The following NGLY1 variants were observed in gnomAD, a reference collection of about 807,000 sequenced individuals.
The protein encoded by NGLY1 is N-glycanase 1.
A neutral mutation model predicts 84.6 loss-of-function variants in NGLY1; 68 were observed. That is an observed-to-expected ratio of 0.80 (90% confidence interval 0.66 to 0.98). The LOEUF (loss-of-function observed/expected upper bound fraction) is 0.98, where lower values mean the gene tolerates loss of function less well. Ranked by LOEUF, NGLY1 falls within the 50% of genes least tolerant of loss-of-function variation. The probability of loss-of-function intolerance (pLI) is 0.00; values close to 1 mark genes in which losing one functional copy is unlikely to be tolerated. For missense variants in NGLY1, 779 were observed against 770.2 expected (o/e 1.01, Z -0.14); for synonymous variants, 280 against 275.2 (o/e 1.02, Z -0.17).
intron 9 of NGLY1, 36 bp from the exon 10 acceptor site, chr3:25,729,354 T>G (rs778120368): frequency 1.6e-6 from 2 of 1,249,530 alleles, no homozygotes; most frequent in East Asian, 5.7e-5. Context: ...TTCAACATTA[T>G]GAAAGATGTA....
rs746095871 is a variant in NGLY1 at position 25,764,145 on chromosome 3, G to C, written c.413C>G (p.Pro138Arg). 2.2e-5 allele frequency: 35 copies of C among 1,614,046 alleles called. No individual in the cohort carries two copies. Among genetic ancestry groups the C allele is most frequent in the Admixed American group, 5.0e-5 (3 of 60,000 alleles). ...GTTTAACCCACTGGGATTTGAAGATGGTGTTGTAGGAAGCTGGGTACTGGC... is the reference window on the plus strand; with the variant it reads ...GTTTAACCCACTGGGATTTGAAGATCGTGTTGTAGGAAGCTGGGTACTGGC... ...PAASTQLPTT[P>R]SSNPSGLNQH... is the part of the protein sequence containing the mutation. Residue 138 changes from proline (P) to arginine (R), a missense_variant, in exon 3 of 12, where the codon CCA becomes CGA. Pro to Arg is a moderately radical substitution (Grantham distance 103, BLOSUM62 -2). Transcript: ENST00000280700.
rs188742895 is a variant in NGLY1 at position 25,756,282 on chromosome 3, C to T, written c.493-5019G>A. ...CTCCATTGTTCTTAAATGTAAAAGG[C>T]CATACCTGGAATTTAAAAAATATCA... On this transcript the variant is annotated intron_variant, in intron 3 of 11. Transcript: ENST00000280700. 2.8e-3 allele frequency among the ~76,000 whole-genome samples: 419 copies of T among 152,238 alleles called. 2 individuals are homozygous for T. Among genetic ancestry groups the T allele is most frequent in the Middle Eastern group, 6.8e-3 (2 of 294 alleles).
intron 4 of NGLY1, among the ~76,000 whole-genome samples, chr3:25,747,096 T>C (rs571606487): frequency 6.6e-6 from 1 of 152,322 alleles, no homozygotes; most frequent in African/African-American, 2.4e-5. Context: ...ACATTACATT[T>C]GTTGGACTCT....
intron 4 of NGLY1, among the ~76,000 whole-genome samples, chr3:25,745,315 C>T (rs1466543576): frequency 6.6e-6 from 1 of 152,222 alleles, no homozygotes; most frequent in Non-Finnish European, 1.5e-5. Flanking sequence ...TTTCTAGAAC[C>T]TCTGTAATCC....
intron 3 of NGLY1, among the ~76,000 whole-genome samples, chr3:25,754,476 C>T (rs529347075): frequency 3.8e-4 from 58 of 152,150 alleles, no homozygotes; most frequent in African/African-American, 1.3e-3. Flanking sequence ...TCTTTCTGGT[C>T]GCTTTTCATT....
At chr3:25,762,734 T>C (rs1167960441) in intron 3 of NGLY1, among the ~76,000 whole-genome samples, 1 of 152,118 alleles carries the variant, frequency 6.6e-6, no homozygotes, top group East Asian at 1.9e-4. Context: ...GGTGGATCAC[T>C]TGAGGTCAGG....
chr3:25,768,329 G>A (rs1707717127), intron 2 of NGLY1, among the ~76,000 whole-genome samples: 1 of 151,354 alleles, frequency 6.6e-6, no homozygotes, highest in African/African-American at 2.4e-5. Flanking sequence ...GGAAGACTGA[G>A]GCAGGAGAAT....
Position 25,737,424 on chromosome 3 carries a change from T to C in NGLY1, c.913A>G (p.Arg305Gly), listed in dbSNP as rs1705891253. The C allele has an allele frequency of 1.2e-6, 2 of 1,612,788 alleles. No homozygotes were observed. Among genetic ancestry groups the C allele is most frequent in the South Asian group, 1.1e-5 (1 of 90,760 alleles). Residue 305 changes from arginine to glycine, a missense_variant, in exon 6 of 12, where the codon AGA becomes GGA. By Grantham distance (125) the Arg-to-Gly change is moderately radical (BLOSUM62 -2). Coordinates refer to ENST00000280700, the MANE Select transcript of NGLY1 (RefSeq NM_018297.4). ...YNNPEKLLETRCGRCGEWANC... is the reference protein window; with the variant it reads ...YNNPEKLLETGCGRCGEWANC... ...GCCCACTCGCCACACCGTCCACATC[T>C]TGTTTCCAAAAGTTTCTCAGGGTTA...
intron 3 of NGLY1, among the ~76,000 whole-genome samples, chr3:25,759,639 C>T (rs1044182799): frequency 5.3e-5 from 8 of 152,128 alleles, no homozygotes; most frequent in Admixed American, 4.6e-4. Context: ...ATGGTGATTA[C>T]AGCAGCTGGG....
intron 2 of NGLY1, among the ~76,000 whole-genome samples, chr3:25,768,581 T>C (rs1252154493): frequency 2.7e-5 from 4 of 149,218 alleles, no homozygotes; most frequent in Non-Finnish European, 4.5e-5. Flanking sequence ...TTTTTTTTTT[T>C]TTAGCGGAGT....
chr3:25,761,471 A>C (rs17016988), intron 3 of NGLY1, among the ~76,000 whole-genome samples: 3,331 of 152,302 alleles, frequency 0.022, 137 homozygotes, highest in African/African-American at 0.076. Context: ...TTTGAAAATC[A>C]ATTAAGTCAT....
At chr3:25,773,096 A>G (rs963903076) in intron 2 of NGLY1, among the ~76,000 whole-genome samples, 3 of 152,144 alleles carry the variant, frequency 2.0e-5, no homozygotes, top group African/African-American at 7.2e-5. Flanking sequence ...TAACCTGAGG[A>G]CTATGTGCCT....
intron 1 of NGLY1, among the ~76,000 whole-genome samples, chr3:25,789,050 A>G (rs1708663111): frequency 6.6e-6 from 1 of 152,128 alleles, no homozygotes; most frequent in African/African-American, 2.4e-5. Context: ...ATGCTCAACC[A>G]TTTTTCTAAA....
chr3:25,776,149 T>C (rs1397652720), intron 2 of NGLY1, among the ~76,000 whole-genome samples: 2 of 152,196 alleles, frequency 1.3e-5, no homozygotes, highest in Non-Finnish European at 2.9e-5. Flanking sequence ...ATCAAATACT[T>C]CTGCAAGTCT....
intron 1 of NGLY1, among the ~76,000 whole-genome samples, chr3:25,779,265 T>C (rs1190148117): frequency 3.9e-5 from 6 of 152,160 alleles, no homozygotes; most frequent in Non-Finnish European, 7.4e-5. Flanking sequence ...ACAGACAGTA[T>C]GGCAATAAAA....
At position 25,783,126 on chromosome 3, in the gene NGLY1, A is replaced by T; in HGVS notation, c.131+134T>A. The T allele has an allele frequency of 1.2e-6, 1 of 803,174 alleles. No individual in the cohort carries two copies. The highest frequency in any genetic ancestry group is 1.9e-6 in the Non-Finnish European group (1 of 521,050). 49.8% of individuals were successfully genotyped at this position (803,174 alleles called of 1,614,324 possible). On this transcript the variant is annotated intron_variant, in intron 1 of 11. Transcript: ENST00000280700. This position sits in a 1 kb window ranked among gnomAD's most constrained non-coding sequence, Gnocchi z 4.5. ...GGCGGGCTCGGACGTTAGGAGCAGA[A>T]CCAGCTCCAGGTCCCGGTCTGTCCG...
At chr3:25,763,284 A>G (rs1374229725) in intron 3 of NGLY1, among the ~76,000 whole-genome samples, 1 of 152,230 alleles carries the variant, frequency 6.6e-6, no homozygotes, top group African/African-American at 2.4e-5. Context: ...TTGGTTAACT[A>G]TGTGCATTTT....
intron 4 of NGLY1, among the ~76,000 whole-genome samples, chr3:25,743,619 C>T (rs944561349): frequency 2.6e-5 from 4 of 151,970 alleles, no homozygotes; most frequent in Admixed American, 2.6e-4. Flanking sequence ...TAGTTTTGTT[C>T]ACTGCTATAT....
chr3:25,766,338 A>T lies in NGLY1; in HGVS notation c.247-2027T>A, dbSNP rs535650697. 5.9e-5 allele frequency among the ~76,000 whole-genome samples: 9 copies of T among 152,328 alleles called. No homozygotes were observed. In the South Asian group the frequency reaches 1.2e-3, roughly 21 times the overall value. On this transcript the variant is annotated intron_variant, in intron 2 of 11. Coordinates refer to ENST00000280700, the MANE Select transcript of NGLY1 (RefSeq NM_018297.4). ...CACCACAGCCTCCCAAAAAGCTGGGATTATAGGCGTGAGCCACCATTCCCG... is the reference window on the plus strand; with the variant it reads ...CACCACAGCCTCCCAAAAAGCTGGGTTTATAGGCGTGAGCCACCATTCCCG...
Sources: gnomAD v4.1 joint callset for allele counts (sites outside exome capture counted in the v4.1 genomes callset) on GRCh38, gnomAD v4.1.1 for gene constraint, Gnocchi (gnomAD v3.1) non-coding constraint, MANE v1.5 for transcripts, NCBI Gene and HGNC (gene_info 2026-07-23, HGNC 2026-07-21) for gene names.